Variants in ADCY5 observed in about 807,000 individuals in gnomAD.
ADCY5 encodes adenylate cyclase type 5.
ADCY5 carries 30 observed loss-of-function variants against 119.7 expected under a neutral mutation model. That is an observed-to-expected ratio of 0.25 (90% CI 0.19 to 0.34). The LOEUF is 0.34. Ranked by LOEUF, ADCY5 falls within the 10% of genes least tolerant of loss-of-function variation. The pLI is 1.00. For synonymous variants in ADCY5, 753 were observed against 762.2 expected (o/e 0.99, Z 0.20); for missense variants, 1,324 against 1,775.2 (o/e 0.75, Z 4.57).
At chr3:123,406,115 G>A (rs908524949) in intron 1 of ADCY5, among the ~76,000 whole-genome samples, 2 of 152,100 alleles carry the variant, frequency 1.3e-5, no homozygotes, top group African/African-American at 4.8e-5. Context: ...TCTTTATTGG[G>A]TTCTTATACT....
At chr3:123,320,627 T>C in intron 9 of ADCY5, 122 bp downstream of exon 9, 1 of 1,375,534 alleles carries the variant, frequency 7.3e-7, no homozygotes, top group East Asian at 2.3e-5. Context: ...CTCCATTCAC[T>C]CTCAGCTAAG....
intron 7 of ADCY5, among the ~76,000 whole-genome samples, chr3:123,326,240 A>G (rs1941476979): frequency 1.3e-5 from 2 of 152,256 alleles, no homozygotes; most frequent in African/African-American, 4.8e-5. Context: ...GGCATTGTAC[A>G]AATACACAGA....
rs530761576 is a variant in ADCY5, at chr3:123,376,655, C to T, written c.1135-24074G>A. On this transcript the variant is annotated intron_variant, in intron 1 of 20. Coordinates refer to ENST00000462833, the MANE Select transcript of ADCY5 (RefSeq NM_183357.3). ...GAGGCCCAAAATAAATAACAATGAA[C>T]GCCTCAACCTTAGTCCCAGGTGGCC... 2.1e-4 allele frequency among the ~76,000 whole-genome samples: 32 copies of T among 152,210 alleles called. No individual in the cohort carries two copies. The South Asian group carries it at 3.9e-3, about 19-fold the overall frequency.
chr3:123,397,552 G>A (rs1297500436), intron 1 of ADCY5, among the ~76,000 whole-genome samples: 1 of 152,246 alleles, frequency 6.6e-6, no homozygotes, highest in African/African-American at 2.4e-5. Context: ...CAAGAGGATG[G>A]CTTGAGCCCA....
intron 12 of ADCY5, among the ~76,000 whole-genome samples, chr3:123,305,740 G>A (rs1344201807): frequency 2.0e-5 from 3 of 152,208 alleles, no homozygotes; most frequent in African/African-American, 7.2e-5. Context: ...TGGGTCTTGG[G>A]CTTGGGGCTG....
rs1264294465 is a variant in ADCY5 at position 123,288,610 on chromosome 3, CCA to C, written c.3532+1138_3532+1139del. On this transcript the variant is annotated intron_variant, in intron 19 of 20. Transcript: ENST00000462833. ...GTGGAACGAGTTCAGAGCTGGCATT[CCA>C]CAGTTATTTTATGGACACAGTAGGG... Among the ~76,000 whole-genome samples the C allele has an allele frequency of 2.6e-5, 4 of 152,270 alleles. No homozygotes were observed. In the East Asian group the frequency reaches 7.7e-4, roughly 29 times the overall value.
chr3:123,416,106 G>A, intron 1 of ADCY5: 2 of 1,497,518 alleles, frequency 1.3e-6, no homozygotes, highest in Non-Finnish European at 1.8e-6. Flanking sequence ...GTCCAAGAAG[G>A]TGGAAGGGCA....
At chr3:123,311,689 G>C (rs1020707924) in intron 12 of ADCY5, among the ~76,000 whole-genome samples, 1 of 152,202 alleles carries the variant, frequency 6.6e-6, no homozygotes, top group Non-Finnish European at 1.5e-5. Context: ...CACCAGCCCA[G>C]AGCGGCAGGT....
rs1424807118 is a variant in ADCY5, at chr3:123,429,969, A to C, written c.1134+17443T>G. Among the ~76,000 whole-genome samples, 8 of 152,230 alleles carry C rather than the reference A, an allele frequency of 5.3e-5. No homozygotes were observed. The East Asian group carries it at 1.6e-3, about 30-fold the overall frequency. On this transcript the variant is annotated intron_variant, in intron 1 of 20. Transcript: ENST00000462833. Reference sequence around the variant, plus strand: ...TCAGCGGGGGCAGCTCGGCCTGGGAAGGGAGTGAATGCCGGCCTCAGCCCT... The same window carrying C: ...TCAGCGGGGGCAGCTCGGCCTGGGACGGGAGTGAATGCCGGCCTCAGCCCT...
chr3:123,425,731 C>G (rs1023066775), intron 1 of ADCY5, among the ~76,000 whole-genome samples: 67 of 151,930 alleles, frequency 4.4e-4, no homozygotes, highest in African/African-American at 1.5e-3. Flanking sequence ...ACCACTCACC[C>G]CAGGGAGCCC....
chr3:123,325,275 C>T, intron 8 of ADCY5, 47 bp downstream of exon 8: 1 of 1,607,978 alleles, frequency 6.2e-7, no homozygotes, highest in Non-Finnish European at 8.5e-7. Context: ...ACAGAAGGCC[C>T]TAGCCTTGGA....
chr3:123,320,622 T>C (rs1396615048), intron 9 of ADCY5, 127 bp downstream of exon 9: 4 of 1,336,214 alleles, frequency 3.0e-6, no homozygotes, highest in Admixed American at 1.8e-5. Context: ...GTGGGCTCCA[T>C]TCACTCTCAG....
At chr3:123,328,481 A>C (rs1465145314) in intron 6 of ADCY5, among the ~76,000 whole-genome samples, 163 bp downstream of exon 6, 4 of 152,080 alleles carry the variant, frequency 2.6e-5, no homozygotes, top group Admixed American at 6.5e-5. Context: ...CAAGTAGAGG[A>C]ATTTCTACTT....
chr3:123,428,786 C>T (rs1165468875), intron 1 of ADCY5, among the ~76,000 whole-genome samples: 1 of 152,216 alleles, frequency 6.6e-6, no homozygotes, highest in Non-Finnish European at 1.5e-5. Flanking sequence ...GATTCCTGGG[C>T]TCTACTCCAG....
At chr3:123,404,530 C>A (rs1322783469) in intron 1 of ADCY5, 1 of 152,584 alleles carries the variant, frequency 6.6e-6, no homozygotes, top group African/African-American at 2.4e-5. Flanking sequence ...GTGTCTGAGG[C>A]CCAGCTTCTG....
At chr3:123,318,511 A>G (rs756723256) in intron 10 of ADCY5, among the ~76,000 whole-genome samples, 4 of 152,176 alleles carry the variant, frequency 2.6e-5, no homozygotes, top group Non-Finnish European at 5.9e-5. Context: ...TCTTCTTCAG[A>G]GATGAGCAAG....
intron 13 of ADCY5, among the ~76,000 whole-genome samples, chr3:123,303,523 G>A (rs528477710): frequency 6.6e-6 from 1 of 152,130 alleles, no homozygotes; most frequent in Non-Finnish European, 1.5e-5. Flanking sequence ...TCACTTAGTG[G>A]GAGAGTAGCC....
rs370800567 is a variant in ADCY5 at position 123,391,051 on chromosome 3, C to T, written c.1135-38470G>A. Among the ~76,000 whole-genome samples the T allele has an allele frequency of 2.6e-5, 4 of 152,366 alleles. No individual in the cohort carries two copies. The East Asian group carries it at 5.8e-4, about 22-fold the overall frequency. ...CAGAGGCCAGCACACTTCCCATCTG[C>T]CCCTCCAGGGGCTTGGGGGCCGCCC... On this transcript the variant is annotated intron_variant, in intron 1 of 20. Coordinates refer to ENST00000462833, the MANE Select transcript of ADCY5 (RefSeq NM_183357.3).
rs114287788 is a variant in ADCY5, at chr3:123,434,662, T to C, written c.1134+12750A>G. On this transcript the variant is annotated intron_variant, in intron 1 of 20. Transcript: ENST00000462833. ...CACTGTCTAGTCCAGGTCTCAACCC[T>C]AGGAGTGCCCAAGCCTCATCCCGAG... Among the ~76,000 whole-genome samples the C allele has an allele frequency of 9.8e-3, 1,490 of 152,306 alleles. 24 individuals are homozygous for C. The highest frequency in any genetic ancestry group is 0.034 in the African/African-American group (1,423 of 41,574).
Sources: gnomAD v4.1 joint callset for allele counts (sites outside exome capture counted in the v4.1 genomes callset) on GRCh38, gnomAD v4.1.1 for gene constraint, MANE v1.5 for transcripts, NCBI Gene and HGNC (gene_info 2026-07-23, HGNC 2026-07-21) for gene names.